Variants in MXD4 observed in about 807,000 individuals in gnomAD.
The protein encoded by MXD4 is MAX dimerization protein 4.
In MXD4, 16 loss-of-function variants were observed where a neutral mutation model predicts 24.5. The ratio of observed to expected loss-of-function variants is 0.65; its 90% CI spans 0.44 to 0.99. The LOEUF is 0.99. Among genes scored for constraint, MXD4 ranks in the 50% least tolerant of loss-of-function variants. The probability of loss-of-function intolerance (pLI) is 0.00; values close to 1 mark genes in which losing one functional copy is unlikely to be tolerated. For synonymous variants in MXD4, 164 were observed against 134.2 expected (o/e 1.22, Z -1.54); for missense variants, 301 against 301.5 (o/e 1.00, Z 0.01).
At position 2,249,096 on chromosome 4, in the gene MXD4, T is replaced by C. The variant is rs996306717; in HGVS notation, c.*1448A>G. The C allele has an allele frequency of 1.3e-5, 2 of 152,388 alleles. No homozygotes were observed. The highest frequency in any genetic ancestry group is 6.5e-5 in the Admixed American group (1 of 15,286). 9.4% of individuals were successfully genotyped at this position (152,388 alleles called of 1,614,324 possible). A position where few individuals can be genotyped will look rare whatever the true frequency, so the allele number is the denominator to read the frequency against. On this transcript the variant is annotated 3_prime_UTR_variant, in exon 6 of 6. Transcript: ENST00000337190. ...ACACTGGGGACCAGGTCACAGCCCC[T>C]CCGTGCCACCCACAGGGGCCTGGCT...
chr4:2,257,089 C>A (rs1461692325), intron 3 of MXD4, among the ~76,000 whole-genome samples: 1 of 152,216 alleles, frequency 6.6e-6, no homozygotes, highest in Non-Finnish European at 1.5e-5. Context: ...CTGTCCCTGC[C>A]CAGCTGCCCG....
chr4:2,260,002 G>T (rs1460635521), intron 2 of MXD4, among the ~76,000 whole-genome samples: 1 of 152,242 alleles, frequency 6.6e-6, no homozygotes, highest in Admixed American at 6.5e-5. Flanking sequence ...GTGGGGACAA[G>T]TCAGGGGCTC....
intron 2 of MXD4, among the ~76,000 whole-genome samples, chr4:2,258,414 G>A (rs909443203): frequency 2.6e-5 from 4 of 152,164 alleles, no homozygotes; most frequent in African/African-American, 9.7e-5. Flanking sequence ...CTGGCTGACA[G>A]GAGGACCTAG....
chr4:2,255,361 G>A (rs1201546841), intron 3 of MXD4: 1 of 456,280 alleles, frequency 2.2e-6, no homozygotes, highest in Admixed American at 2.3e-5. Context: ...CCTTTCTCGA[G>A]AGACAAACAG....
chr4:2,261,751 G>A lies in MXD4; in HGVS notation c.138C>T (p.Gly46=). The part of the protein sequence containing the change: ...DFAREKTKAA[G]LVRKAPNNRS... The stretch of plus-strand genomic sequence containing the variant: ...TGTTGTTCGGGGCCTTGCGCACCAG[G>A]CCGGCCGCCTTTGTTTTCTCCCTGG... The change falls in exon 2 of 6, where the codon GGC becomes GGT. Residue 46 remains glycine (G), a synonymous_variant. Transcript: ENST00000337190. 2 of 1,427,882 alleles carry A rather than the reference G, an allele frequency of 1.4e-6. No individual in the cohort carries two copies. Among genetic ancestry groups the A allele is most frequent in the South Asian group, 1.3e-5 (1 of 74,844 alleles). The allele number at this position is 1,427,882 out of a possible 1,614,324, so 88.5% of individuals were successfully genotyped here. A position where few individuals can be genotyped will look rare whatever the true frequency, so the allele number is the denominator to read the frequency against.
At chr4:2,259,076 A>G (rs1302339687) in intron 2 of MXD4, 1 of 416,074 alleles carries the variant, frequency 2.4e-6, no homozygotes, top group Non-Finnish European at 4.9e-6. Flanking sequence ...GTGGGCAGAG[A>G]GCTCAGACTG....
chr4:2,261,704 G>A (rs755564517), intron 2 of MXD4, 21 bp downstream of exon 2: 3 of 1,323,502 alleles, frequency 2.3e-6, no homozygotes, highest in African/African-American at 1.6e-5. Context: ...GCCGGGCGGG[G>A]TCGGGAGCGG....
At chr4:2,259,884 G>A (rs766792432) in intron 2 of MXD4, among the ~76,000 whole-genome samples, 7 of 152,114 alleles carry the variant, frequency 4.6e-5, no homozygotes, top group Non-Finnish European at 8.8e-5. Flanking sequence ...GTGCTCTGCC[G>A]CCTCCCTCAA....
At chr4:2,259,429 CAG>C (rs1373891385) in intron 2 of MXD4, among the ~76,000 whole-genome samples, 1 of 152,232 alleles carries the variant, frequency 6.6e-6, no homozygotes, top group Non-Finnish European at 1.5e-5. Flanking sequence ...ACTGGCCTCA[CAG>C]AGATAGGCCC....
chr4:2,252,222 G>A (rs1735337702), intron 4 of MXD4, among the ~76,000 whole-genome samples, 186 bp downstream of exon 4: 1 of 152,148 alleles, frequency 6.6e-6, no homozygotes, highest in African/African-American at 2.4e-5. Flanking sequence ...GGCAGCTCCT[G>A]TTGCTGCTCC....
intron 3 of MXD4, among the ~76,000 whole-genome samples, chr4:2,257,411 C>A (rs1735453039): frequency 6.6e-6 from 1 of 152,182 alleles, no homozygotes; most frequent in Non-Finnish European, 1.5e-5. Flanking sequence ...AGCCCCTAGG[C>A]CCCTGAGCTC....
At chr4:2,258,116 T>G in intron 2 of MXD4, 105 bp from the exon 3 acceptor site, 1 of 1,412,172 alleles carries the variant, frequency 7.1e-7, no homozygotes, top group Non-Finnish European at 9.8e-7. Flanking sequence ...AGTGGCTGGC[T>G]GTGTCTGGGT....
intron 2 of MXD4, chr4:2,259,023 G>A (rs1271384384): frequency 4.4e-6 from 2 of 451,386 alleles, no homozygotes. Context: ...GGACCCCACA[G>A]GCCAGCCAGG....
chr4:2,257,224 G>C (rs1216567051), intron 3 of MXD4, among the ~76,000 whole-genome samples: 1 of 152,204 alleles, frequency 6.6e-6, no homozygotes, highest in Non-Finnish European at 1.5e-5. Flanking sequence ...GGGGGCTCAA[G>C]CAGCACGCAG....
At chr4:2,256,155 A>G (rs1735424067) in intron 3 of MXD4, among the ~76,000 whole-genome samples, 1 of 146,634 alleles carries the variant, frequency 6.8e-6, no homozygotes, top group African/African-American at 2.4e-5. Context: ...GGGCCAGGAA[A>G]GAAGGCTGGG....
intron 4 of MXD4, 152 bp downstream of exon 4, chr4:2,252,256 G>T: frequency 1.5e-6 from 1 of 646,954 alleles, no homozygotes; most frequent in Non-Finnish European, 2.7e-6. Flanking sequence ...AACCCACCAG[G>T]CCCCCGACAC....
intron 2 of MXD4, chr4:2,260,615 A>G (rs1735520581): frequency 2.2e-6 from 1 of 454,886 alleles, no homozygotes; most frequent in African/African-American, 2.0e-5. Flanking sequence ...CCTTCCCCAA[A>G]CTGTCCCCAG....
chr4:2,258,905 C>T (rs369793900), intron 2 of MXD4: 11 of 455,964 alleles, frequency 2.4e-5, no homozygotes, highest in Non-Finnish European at 3.5e-5. Context: ...CATTCAGACG[C>T]GGGCACACAA....
chr4:2,259,342 A>C (rs1457167231), intron 2 of MXD4, among the ~76,000 whole-genome samples: 1 of 151,786 alleles, frequency 6.6e-6, no homozygotes, highest in African/African-American at 2.4e-5. Context: ...CATGGGCTGG[A>C]CAAGGAGCCT....
Sources: gnomAD v4.1 joint callset for allele counts (sites outside exome capture counted in the v4.1 genomes callset) on GRCh38, gnomAD v4.1.1 for gene constraint, MANE v1.5 for transcripts, NCBI Gene and HGNC (gene_info 2026-07-23, HGNC 2026-07-21) for gene names.